The following PREX1 variants were observed in gnomAD, a reference collection of about 807,000 sequenced individuals.
PREX1 encodes the protein phosphatidylinositol-3,4,5-trisphosphate dependent Rac exchange factor 1.
In PREX1, 41 loss-of-function variants were observed where a neutral mutation model predicts 198.3. The observed-to-expected ratio is 0.21, with a 90% CI of 0.16 to 0.27. The LOEUF is 0.27. Ranked by LOEUF, PREX1 falls within the 10% of genes least tolerant of loss-of-function variation. The pLI, the probability that PREX1 is intolerant of heterozygous loss-of-function variation, is 1.00. For missense variants in PREX1, 1,620 were observed against 2,200.7 expected, an observed-to-expected ratio of 0.74 and a Z score of 5.28; for synonymous variants, 843 against 887.2, an observed-to-expected ratio of 0.95 and a Z score of 0.89.
chr20:48,769,060 G>A (rs558677141), intron 1 of PREX1, among the ~76,000 whole-genome samples: 31 of 151,892 alleles, frequency 2.0e-4, no homozygotes, highest in South Asian at 1.5e-3. Context: ...CCAATACATC[G>A]TTCTGGCTTC....
In PREX1 at chr20:48,653,505, G is replaced by T. The variant is rs371847633; in HGVS notation, c.2210-8C>A. On this transcript the variant is annotated splice_polypyrimidine_tract_variant and splice_region_variant and intron_variant, in intron 19 of 39. Transcript: ENST00000371941. ...CAGCCATGGCCTCAGAGCCTAAGGG[G>T]AACAGGAGCACATGAGGCTGGATGC... The T allele has an allele frequency of 7.7e-4, 1,234 of 1,602,756 alleles. 16 individuals carry two copies. In the South Asian group the frequency reaches 0.013, roughly 17 times the overall value.
intron 1 of PREX1, among the ~76,000 whole-genome samples, chr20:48,751,522 C>A (rs2090134051): frequency 6.6e-6 from 1 of 152,238 alleles, no homozygotes; most frequent in African/African-American, 2.4e-5. Context: ...GAATGGGCAG[C>A]AGAGGCTCTG....
chr20:48,817,511 T>C (rs956003447), intron 1 of PREX1, among the ~76,000 whole-genome samples: 5 of 152,136 alleles, frequency 3.3e-5, no homozygotes, highest in African/African-American at 1.2e-4. Flanking sequence ...CTCAACATAT[T>C]TTATAGATGA....
intron 1 of PREX1, among the ~76,000 whole-genome samples, chr20:48,801,074 G>C: frequency 6.6e-6 from 1 of 152,110 alleles, no homozygotes; most frequent in South Asian, 2.1e-4. Context: ...GGGATAATAA[G>C]AATCCTTCCC....
At chr20:48,778,823 T>C (rs770857551) in intron 1 of PREX1, among the ~76,000 whole-genome samples, 1 of 152,044 alleles carries the variant, frequency 6.6e-6, no homozygotes, top group Non-Finnish European at 1.5e-5. Context: ...GATATGCAAA[T>C]TAATGAACCT....
At chr20:48,661,809 G>A (rs892986786) in intron 15 of PREX1, among the ~76,000 whole-genome samples, 1 of 152,022 alleles carries the variant, frequency 6.6e-6, no homozygotes, top group African/African-American at 2.4e-5. Context: ...GCAGGCAGCA[G>A]AAGGGCCCTC....
intron 18 of PREX1, chr20:48,656,523 C>A (rs761499425): frequency 7.9e-5 from 36 of 456,746 alleles, no homozygotes; most frequent in African/African-American, 5.8e-4. Context: ...ATGCGCCAGA[C>A]ACGGTCCCAC....
At chr20:48,698,293 C>G (rs931176320) in intron 7 of PREX1, among the ~76,000 whole-genome samples, 1 of 152,158 alleles carries the variant, frequency 6.6e-6, no homozygotes, top group South Asian at 2.1e-4. Context: ...GGAGGCAGAG[C>G]CTGCACCCGG....
chr20:48,790,736 C>T (rs1352040617), intron 1 of PREX1, among the ~76,000 whole-genome samples: 1 of 152,190 alleles, frequency 6.6e-6, no homozygotes, highest in Non-Finnish European at 1.5e-5. Context: ...CACTCCAACA[C>T]TGAATGCCGA....
chr20:48,651,044 G>C lies in PREX1; in HGVS notation c.2667C>G (p.Ala889=). 3 of 1,614,034 alleles carry C rather than the reference G, an allele frequency of 1.9e-6. No individual in the cohort carries two copies. Among genetic ancestry groups the C allele is most frequent in the Non-Finnish European group, 2.5e-6 (3 of 1,179,998 alleles). The change falls in exon 23 of 40, where the codon GCC becomes GCG. Residue 889 remains alanine (A), a synonymous_variant. Coordinates refer to ENST00000371941, the MANE Select transcript of PREX1 (RefSeq NM_020820.4). ...CGAAGACGCTGTCATTGGCAGCAAA[G>C]GCCTCGAGGATCTGCAGAAATGTCA... is the stretch of plus-strand genomic sequence containing the variant. The part of the protein sequence containing the change: ...CFGLTAKILE[A]FAANDSVFVE...
chr20:48,641,931 G>T, intron 29 of PREX1, among the ~76,000 whole-genome samples: 1 of 149,400 alleles, frequency 6.7e-6, no homozygotes, highest in Non-Finnish European at 1.5e-5. Flanking sequence ...GGGGAGGGAA[G>T]GGGAGGGGAG....
At chr20:48,815,924 C>T (rs1365466708) in intron 1 of PREX1, among the ~76,000 whole-genome samples, 2 of 151,584 alleles carry the variant, frequency 1.3e-5, no homozygotes, top group African/African-American at 2.4e-5. Context: ...GCAGGAGAAT[C>T]GCTCGAACCT....
intron 15 of PREX1, among the ~76,000 whole-genome samples, chr20:48,664,423 G>T (rs189268313): frequency 6.6e-6 from 1 of 151,954 alleles, no homozygotes; most frequent in Non-Finnish European, 1.5e-5. Context: ...GAGTGATGAC[G>T]GGGAGGAGCT....
chr20:48,740,238 A>T (rs1384863163), intron 3 of PREX1, among the ~76,000 whole-genome samples: 3 of 152,082 alleles, frequency 2.0e-5, no homozygotes, highest in African/African-American at 7.2e-5. Flanking sequence ...TGGACCCAGC[A>T]CCTCTTTCCT....
At chr20:48,742,350 G>A (rs142360987) in intron 3 of PREX1, among the ~76,000 whole-genome samples, 4 of 152,294 alleles carry the variant, frequency 2.6e-5, no homozygotes, top group South Asian at 4.1e-4. Context: ...TTCTACCAAC[G>A]TCATTCATTC....
chr20:48,752,737 G>A lies in PREX1; in HGVS notation c.220-4857C>T, dbSNP rs1014035726. Reference sequence around the variant, plus strand: ...TGCCTCACTCCCCCACTCTCCTATTGATGCTTCCTGGGGTGACCTCCCAAG... The same window carrying A: ...TGCCTCACTCCCCCACTCTCCTATTAATGCTTCCTGGGGTGACCTCCCAAG... On this transcript the variant is annotated intron_variant, in intron 1 of 39. Transcript: ENST00000371941. Among the ~76,000 whole-genome samples the A allele has an allele frequency of 9.2e-5, 14 of 152,198 alleles. No individual in the cohort carries two copies. In the Middle Eastern group the frequency reaches 0.01, roughly 111 times the overall value.
chr20:48,825,743 T>C (rs1047167115), intron 1 of PREX1, among the ~76,000 whole-genome samples: 1 of 151,302 alleles, frequency 6.6e-6, no homozygotes, highest in African/African-American at 2.4e-5. Flanking sequence ...GAGCATGGAG[T>C]GGCTCAGAAG....
At chr20:48,828,165 G>A (rs1432510396), upstream of PREX1, among the ~76,000 whole-genome samples, 2 of 150,612 alleles carry the variant, frequency 1.3e-5, no homozygotes, top group Non-Finnish European at 3.0e-5. Context: ...CTCTGCGCGT[G>A]CACGGGGCCC....
rs185455889 is a variant in PREX1 at position 48,804,852 on chromosome 20, G to A, written c.219+22790C>T. Among the ~76,000 whole-genome samples the A allele has an allele frequency of 5.9e-5, 9 of 152,304 alleles. No homozygotes were observed. In the East Asian group the frequency reaches 1.4e-3, roughly 23 times the overall value. On this transcript the variant is annotated intron_variant, in intron 1 of 39. Coordinates refer to ENST00000371941, the MANE Select transcript of PREX1 (RefSeq NM_020820.4). ...GAAGAGTGGCGTCAAGATGGCCCAA[G>A]GAGGTGCCAGAGTGACTGGAAGGAG...
Sources: allele counts gnomAD v4.1 joint callset (sites outside exome capture counted in the v4.1 genomes callset), GRCh38; gene constraint gnomAD v4.1.1; transcripts MANE v1.5; gene names NCBI Gene and HGNC (gene_info 2026-07-23, HGNC 2026-07-21).